Variants in COLQ observed in about 807,000 individuals in gnomAD.
COLQ encodes acetylcholinesterase collagenic tail peptide.
COLQ carries 48 observed loss-of-function variants against 69.0 expected under a neutral mutation model. The ratio of observed to expected loss-of-function variants is 0.70; its 90% CI spans 0.55 to 0.88. The LOEUF (loss-of-function observed/expected upper bound fraction) is 0.88, where lower values mean the gene tolerates loss of function less well. COLQ is among the 40% of genes least tolerant of loss of function. The pLI is 0.00. For missense variants in COLQ, 618 were observed against 594.6 expected, an observed-to-expected ratio of 1.04 and a Z score of -0.41; for synonymous variants, 217 against 211.2, an observed-to-expected ratio of 1.03 and a Z score of -0.24.
At chr3:15,485,105 T>C (rs1575480910) in intron 3 of COLQ, among the ~76,000 whole-genome samples, 2 of 152,274 alleles carry the variant, frequency 1.3e-5, no homozygotes, top group South Asian at 4.1e-4. Flanking sequence ...GTTTGTTAGT[T>C]TTCCTTCTAA....
At chr3:15,451,799 G>T in intron 16 of COLQ, 86 bp from the exon 17 acceptor site, 1 of 1,144,000 alleles carries the variant, frequency 8.7e-7, no homozygotes. Flanking sequence ...GCGGCCAAGG[G>T]CCAATGGCTC....
chr3:15,491,701 C>T (rs886692744), intron 1 of COLQ, among the ~76,000 whole-genome samples: 1 of 152,180 alleles, frequency 6.6e-6, no homozygotes, highest in Admixed American at 6.5e-5. Context: ...TAGTACAGCA[C>T]GCTGACAGAC....
At chr3:15,487,069 A>C (rs12631578) in intron 3 of COLQ, among the ~76,000 whole-genome samples, 33,320 of 152,232 alleles carry the variant, frequency 0.22, 4,676 homozygotes, top group South Asian at 0.38. Context: ...GACCAGGAAC[A>C]GAAGAACAGA....
chr3:15,450,272 A>C lies in COLQ; in HGVS notation c.*1372T>G, dbSNP rs1559509277. 1 of 153,442 alleles carries C rather than the reference A, an allele frequency of 6.5e-6. No homozygotes were observed. The highest frequency in any genetic ancestry group is 2.4e-5 in the African/African-American group (1 of 41,438). 9.5% of individuals were successfully genotyped at this position (153,442 alleles called of 1,614,324 possible). A position where few individuals can be genotyped will look rare whatever the true frequency, so the allele number is the denominator to read the frequency against. Reference sequence around the variant, plus strand: ...AGGGCTGCCCATGTGCCTGTCTCTAAAGACGCCACCCTCAGGTTGATGTCA... The same window carrying C: ...AGGGCTGCCCATGTGCCTGTCTCTACAGACGCCACCCTCAGGTTGATGTCA... On this transcript the variant is annotated 3_prime_UTR_variant, in exon 17 of 17. Coordinates refer to ENST00000383788, the MANE Select transcript of COLQ (RefSeq NM_005677.4).
chr3:15,482,294 C>G (rs2062500781), intron 3 of COLQ, among the ~76,000 whole-genome samples: 1 of 152,150 alleles, frequency 6.6e-6, no homozygotes, highest in Admixed American at 6.5e-5. Flanking sequence ...TGCCAGTTTT[C>G]AAAGGGAATG....
chr3:15,476,788 G>C (rs1382865444), intron 6 of COLQ, among the ~76,000 whole-genome samples: 2 of 152,180 alleles, frequency 1.3e-5, no homozygotes, highest in Non-Finnish European at 1.5e-5. Context: ...AGCATGACAG[G>C]CAAGAGCTTC....
intron 1 of COLQ, 82 bp from the exon 2 acceptor site, chr3:15,489,719 T>C: frequency 8.3e-7 from 1 of 1,198,444 alleles, no homozygotes; most frequent in Non-Finnish European, 1.2e-6. Flanking sequence ...GGAAGACCCA[T>C]CCTGCCACCC....
At chr3:15,511,124 T>C (rs1254775560) in intron 1 of COLQ, among the ~76,000 whole-genome samples, 1 of 152,176 alleles carries the variant, frequency 6.6e-6, no homozygotes, top group Non-Finnish European at 1.5e-5. Context: ...TCTAAGAGGA[T>C]ATTTAAAGTC....
chr3:15,477,076 C>T, intron 6 of COLQ, 50 bp downstream of exon 6: 2 of 1,515,840 alleles, frequency 1.3e-6, no homozygotes, highest in Non-Finnish European at 1.8e-6. Context: ...TGCCATCTTC[C>T]CCCCTCTTGT....
chr3:15,473,970 G>T lies in COLQ; in HGVS notation c.636+30C>A. 1 of 1,612,198 alleles carries T rather than the reference G, an allele frequency of 6.2e-7. No homozygotes were observed. Among genetic ancestry groups the T allele is most frequent in the Non-Finnish European group, 8.5e-7 (1 of 1,178,332 alleles). ...TGGAGGACCTGATATTTTTATTGAG[G>T]CCTATTTTCACTACCTCAAGGTTAC... On this transcript the variant is annotated intron_variant, in intron 10 of 16. Transcript: ENST00000383788. This position sits in a 1 kb window ranked among gnomAD's most constrained non-coding sequence, Gnocchi z 4.0.
Position 15,479,371 on chromosome 3 carries a change from C to T in COLQ, c.333G>A (p.Gly111=). 6.2e-7 allele frequency: 1 copy of T among 1,614,076 alleles called. No homozygotes were observed. Among genetic ancestry groups the T allele is most frequent in the Non-Finnish European group, 8.5e-7 (1 of 1,179,928 alleles). ...CCTTTGGTCCTGTCTTGCCAGGAAG[C>T]CCCGGTGGACCCTAATCAATCAAGA... The part of the protein sequence containing the change: ...PGPPGPQGPP[G]LPGKTGPKGE... Residue 111 remains glycine, a synonymous_variant, in exon 4 of 17, where the codon GGG becomes GGA. Transcript: ENST00000383788.
At chr3:15,470,446 C>A (rs1185198806) in intron 11 of COLQ, 90 bp downstream of exon 11, 6 of 1,169,928 alleles carry the variant, frequency 5.1e-6, no homozygotes, top group East Asian at 2.3e-5. Context: ...TACAGAATAT[C>A]TCTGATTAAC....
chr3:15,500,036 C>T (rs1161554945), intron 1 of COLQ, among the ~76,000 whole-genome samples: 2 of 151,978 alleles, frequency 1.3e-5, no homozygotes, highest in Non-Finnish European at 2.9e-5. Context: ...GGCAGGGATG[C>T]CTGAAGGGAT....
intron 10 of COLQ, among the ~76,000 whole-genome samples, chr3:15,472,666 A>C (rs1478806031): frequency 6.6e-6 from 1 of 152,082 alleles, no homozygotes; most frequent in Non-Finnish European, 1.5e-5. Flanking sequence ...TTCTCTCTTT[A>C]TTCTCTGACA....
In COLQ at chr3:15,451,363, G is replaced by T. The variant is rs1328433277; in HGVS notation, c.*281C>A. The T allele has an allele frequency of 1.3e-5, 8 of 594,496 alleles. No individual in the cohort carries two copies. Among genetic ancestry groups the T allele is most frequent in the Non-Finnish European group, 2.2e-5 (7 of 324,464 alleles). 36.8% of individuals were successfully genotyped at this position (594,496 alleles called of 1,614,324 possible). A position where few individuals can be genotyped will look rare whatever the true frequency, so the allele number is the denominator to read the frequency against. On this transcript the variant is annotated 3_prime_UTR_variant, in exon 17 of 17. Coordinates refer to ENST00000383788, the MANE Select transcript of COLQ (RefSeq NM_005677.4). Reference sequence around the variant, plus strand: ...GGTCAGCAACATTCCAGAAGAGGAAGAGCATTGTAGCCGGTTGTTTGGCCA... The same window carrying T: ...GGTCAGCAACATTCCAGAAGAGGAATAGCATTGTAGCCGGTTGTTTGGCCA...
At chr3:15,467,561 A>G (rs117248177) in intron 11 of COLQ, among the ~76,000 whole-genome samples, 1,553 of 152,344 alleles carry the variant, frequency 0.01, 95 homozygotes, top group Admixed American at 0.081. Flanking sequence ...GGGAGTATCA[A>G]GAGCAAAGAC....
chr3:15,456,353 C>T, intron 14 of COLQ, 107 bp downstream of exon 14: 1 of 1,473,896 alleles, frequency 6.8e-7, no homozygotes, highest in Non-Finnish European at 9.3e-7. Context: ...TGCAGACAGA[C>T]TGTAGAAAGC....
At chr3:15,489,149 G>A (rs918558340) in intron 2 of COLQ, among the ~76,000 whole-genome samples, 6 of 152,208 alleles carry the variant, frequency 3.9e-5, no homozygotes, top group South Asian at 2.1e-4. Context: ...GGCTGCAGAA[G>A]GGAATTTCAT....
intron 13 of COLQ, 123 bp downstream of exon 13, chr3:15,458,063 G>A: frequency 2.9e-6 from 3 of 1,018,698 alleles, no homozygotes; most frequent in Non-Finnish European, 4.6e-6. Flanking sequence ...TTCCTATAAT[G>A]AGGGTGTACT....
Sources: gnomAD v4.1 joint callset for allele counts (sites outside exome capture counted in the v4.1 genomes callset) on GRCh38, gnomAD v4.1.1 for gene constraint, Gnocchi (gnomAD v3.1) non-coding constraint, MANE v1.5 for transcripts, NCBI Gene and HGNC (gene_info 2026-07-23, HGNC 2026-07-21) for gene names.